Variants in CSMD2 observed in about 807,000 individuals in gnomAD.
The protein encoded by CSMD2 is CUB and Sushi multiple domains 2.
Under a neutral mutation model 398.5 loss-of-function variants are expected in CSMD2, and 130 were observed. The observed-to-expected ratio is 0.33, with a 90% CI of 0.28 to 0.38. The LOEUF is 0.38. Among genes scored for constraint, CSMD2 ranks in the 10% least tolerant of loss-of-function variants. The pLI is 1.00. For missense variants in CSMD2, 3,829 were observed against 4,764.9 expected (o/e 0.80, Z 5.78); for synonymous variants, 1,828 against 1,908.5 (o/e 0.96, Z 1.10).
rs367975694 is a variant in CSMD2, at chr1:34,085,553, A to G, written c.404+3424T>C. On this transcript the variant is annotated intron_variant, in intron 2 of 70. Coordinates refer to ENST00000373381, the MANE Select transcript of CSMD2 (RefSeq NM_001281956.2). ...CAGACTCATCACAAATGTAGGTCAAAAACAGTTCAATTTCCTGCAATAGTT... is the reference window on the plus strand; with the variant it reads ...CAGACTCATCACAAATGTAGGTCAAGAACAGTTCAATTTCCTGCAATAGTT... Among the ~76,000 whole-genome samples the G allele has an allele frequency of 3.9e-5, 6 of 152,292 alleles. No homozygotes were observed. In the East Asian group the frequency reaches 7.7e-4, roughly 20 times the overall value.
At chr1:34,033,648 G>A (rs1029504833) in intron 2 of CSMD2, among the ~76,000 whole-genome samples, 5 of 152,152 alleles carry the variant, frequency 3.3e-5, no homozygotes, top group African/African-American at 9.7e-5. Flanking sequence ...GCCTCAGCCT[G>A]CCTTACCACA....
At chr1:34,053,310 G>A (rs1222633938) in intron 2 of CSMD2, among the ~76,000 whole-genome samples, 1 of 152,162 alleles carries the variant, frequency 6.6e-6, no homozygotes, top group African/African-American at 2.4e-5. Flanking sequence ...AATGATGTAA[G>A]TGGAGGACAG....
intron 55 of CSMD2, among the ~76,000 whole-genome samples, chr1:33,555,621 C>T (rs533525957): frequency 7.4e-4 from 113 of 152,300 alleles, no homozygotes; most frequent in African/African-American, 2.6e-3. Flanking sequence ...ATTGCCACAG[C>T]CACACCAGCC....
intron 34 of CSMD2, 25 bp downstream of exon 34, chr1:33,625,026 C>T (rs749212828): frequency 6.2e-7 from 1 of 1,612,226 alleles, no homozygotes; most frequent in Non-Finnish European, 8.5e-7. Context: ...CCCGCACCCT[C>T]AACGCCCGGG....
intron 5 of CSMD2, among the ~76,000 whole-genome samples, chr1:33,858,353 C>T (rs1036496152): frequency 1.2e-4 from 18 of 152,156 alleles, no homozygotes; most frequent in African/African-American, 3.9e-4. Flanking sequence ...CCTCCTCCTG[C>T]AATACTTGGC....
At chr1:34,091,643 T>A (rs977156136) in intron 1 of CSMD2, among the ~76,000 whole-genome samples, 4 of 148,480 alleles carry the variant, frequency 2.7e-5, no homozygotes, top group African/African-American at 7.4e-5. Context: ...AGTATCCCAT[T>A]AAATGAGAAA....
rs111977514 is a variant in CSMD2, at chr1:33,638,894, T to G, written c.4775-2340A>C. 3.5e-3 allele frequency among the ~76,000 whole-genome samples: 540 copies of G among 152,360 alleles called. 9 individuals carry two copies. The highest frequency in any genetic ancestry group is 0.012 in the African/African-American group (498 of 41,578). ...TCTCTCATCGACTCTATATTGACCTTATTTTTTTCTGTCTTCCTCCACTAG... is the reference window on the plus strand; with the variant it reads ...TCTCTCATCGACTCTATATTGACCTGATTTTTTTCTGTCTTCCTCCACTAG... On this transcript the variant is annotated intron_variant, in intron 29 of 70. Coordinates refer to ENST00000373381, the MANE Select transcript of CSMD2 (RefSeq NM_001281956.2).
At chr1:33,996,796 G>A (rs1646740701) in intron 3 of CSMD2, among the ~76,000 whole-genome samples, 1 of 151,996 alleles carries the variant, frequency 6.6e-6, no homozygotes, top group Non-Finnish European at 1.5e-5. Context: ...GGGAGGAAGA[G>A]GAAGGGGAGG....
chr1:33,856,082 G>T (rs1639064587), intron 5 of CSMD2, among the ~76,000 whole-genome samples: 1 of 152,234 alleles, frequency 6.6e-6, no homozygotes, highest in African/African-American at 2.4e-5. Flanking sequence ...CTGAGCAGCA[G>T]TGCTCATGTG....
At chr1:34,067,051 C>T (rs554042802) in intron 2 of CSMD2, among the ~76,000 whole-genome samples, 34 of 152,132 alleles carry the variant, frequency 2.2e-4, no homozygotes, top group Admixed American at 1.5e-3. Flanking sequence ...AAGGCACAGG[C>T]GAGGATGAAT....
chr1:34,114,433 C>T (rs1661409339), intron 1 of CSMD2, among the ~76,000 whole-genome samples: 1 of 151,886 alleles, frequency 6.6e-6, no homozygotes, highest in African/African-American at 2.4e-5. Flanking sequence ...CACAGTGGTT[C>T]ATACCTGTCA....
At chr1:33,595,484 G>C (rs905534622) in intron 44 of CSMD2, among the ~76,000 whole-genome samples, 1 of 152,106 alleles carries the variant, frequency 6.6e-6, no homozygotes, top group Non-Finnish European at 1.5e-5. Context: ...TGTGGAGTGG[G>C]GTGGGGGAAG....
chr1:34,105,378 A>T lies in CSMD2; in HGVS notation c.188-16185T>A, dbSNP rs557267244. On this transcript the variant is annotated intron_variant, in intron 1 of 70. Transcript: ENST00000373381. ...TATTGCCAAATGTCCCCTAGGGGGAAAATCACCTCTAGTTGAGAACGACTG... is the reference window on the plus strand; with the variant it reads ...TATTGCCAAATGTCCCCTAGGGGGATAATCACCTCTAGTTGAGAACGACTG... Among the ~76,000 whole-genome samples the T allele has an allele frequency of 2.0e-5, 3 of 152,338 alleles. No individual in the cohort carries two copies. The South Asian group carries it at 6.2e-4, about 32-fold the overall frequency.
At chr1:33,644,325 G>C (rs1643293394) in intron 29 of CSMD2, among the ~76,000 whole-genome samples, 1 of 152,198 alleles carries the variant, frequency 6.6e-6, no homozygotes, top group African/African-American at 2.4e-5. Context: ...GGTGACTGGA[G>C]AGGAAGCTCA....
chr1:33,724,255 A>G lies in CSMD2; in HGVS notation c.2943T>C (p.Pro981=). ...AGTTCAAGTTGTTGGGGTAGAAGTC[A>G]GGGAACCCTGGCGACAAGATGGTCC... is the stretch of plus-strand genomic sequence containing the variant. The part of the protein sequence containing the change: ...SSGTILSPGF[P]DFYPNNLNCT... The change falls in exon 19 of 71, where the codon CCT becomes CCC. Residue 981 remains proline (P), a synonymous_variant. Coordinates refer to ENST00000373381, the MANE Select transcript of CSMD2 (RefSeq NM_001281956.2). 1 of 1,614,128 alleles carries G rather than the reference A, an allele frequency of 6.2e-7. No homozygotes were observed. Among genetic ancestry groups the G allele is most frequent in the Non-Finnish European group, 8.5e-7 (1 of 1,180,006 alleles).
chr1:33,676,800 A>T (rs1318783234), intron 25 of CSMD2, among the ~76,000 whole-genome samples: 1 of 152,222 alleles, frequency 6.6e-6, no homozygotes, highest in African/African-American at 2.4e-5. Context: ...CTCAGAAATA[A>T]TGCCACATAT....
At chr1:34,140,366 G>A (rs933134905) in intron 1 of CSMD2, among the ~76,000 whole-genome samples, 10 of 150,066 alleles carry the variant, frequency 6.7e-5, no homozygotes, top group African/African-American at 2.5e-4. Flanking sequence ...GAGCTTGAAG[G>A]GGACAGCAGG....
chr1:33,603,854 C>T (rs1480744361), intron 42 of CSMD2, among the ~76,000 whole-genome samples: 4 of 152,160 alleles, frequency 2.6e-5, no homozygotes, highest in African/African-American at 7.2e-5. Context: ...GAGAGGAATG[C>T]TGTATGGGAA....
At chr1:33,963,485 T>A (rs936287097) in intron 3 of CSMD2, among the ~76,000 whole-genome samples, 38 of 152,210 alleles carry the variant, frequency 2.5e-4, no homozygotes, top group Non-Finnish European at 5.9e-5. Context: ...TCTTAAACCA[T>A]CACCACAATC....
Sources: gnomAD v4.1 joint callset for allele counts (sites outside exome capture counted in the v4.1 genomes callset) on GRCh38, gnomAD v4.1.1 for gene constraint, MANE v1.5 for transcripts, NCBI Gene and HGNC (gene_info 2026-07-23, HGNC 2026-07-21) for gene names.